Variants in DGKI observed in about 807,000 individuals in gnomAD.
DGKI encodes diacylglycerol kinase iota.
A neutral mutation model predicts 147.5 loss-of-function variants in DGKI; 55 were observed. That is an observed-to-expected ratio of 0.37 (90% CI 0.30 to 0.47). The LOEUF is 0.47. Among genes scored for constraint, DGKI ranks in the 20% least tolerant of loss-of-function variants. The probability of loss-of-function intolerance (pLI) is 1.00; values close to 1 mark genes in which losing one functional copy is unlikely to be tolerated. For missense variants in DGKI, 1,007 were observed against 1,323.8 expected, an observed-to-expected ratio of 0.76 and a Z score of 3.71; for synonymous variants, 469 against 477.1, an observed-to-expected ratio of 0.98 and a Z score of 0.22.
intron 30 of DGKI, among the ~76,000 whole-genome samples, chr7:137,405,488 G>A (rs1405536088): frequency 1.3e-5 from 2 of 152,200 alleles, no homozygotes; most frequent in African/African-American, 2.4e-5. Context: ...GGGATTCCAG[G>A]TGAGTCAGAA....
intron 1 of DGKI, among the ~76,000 whole-genome samples, chr7:137,732,458 C>A (rs555339641): frequency 1.3e-5 from 2 of 152,126 alleles, no homozygotes; most frequent in African/African-American, 2.4e-5. Flanking sequence ...CTTATCACAG[C>A]CTTTCATGAT....
intron 19 of DGKI, among the ~76,000 whole-genome samples, chr7:137,567,643 G>A (rs533739096): frequency 1.3e-5 from 2 of 152,270 alleles, no homozygotes; most frequent in East Asian, 3.9e-4. Flanking sequence ...ACCACAATGT[G>A]TAAGTTTTAT....
chr7:137,817,855 A>C (rs191440312), intron 1 of DGKI, among the ~76,000 whole-genome samples: 34 of 152,332 alleles, frequency 2.2e-4, no homozygotes, highest in Admixed American at 1.0e-3. Flanking sequence ...CATCTGTTTT[A>C]TTCCTATGCA....
At chr7:137,398,622 T>C (rs1811638990) in intron 30 of DGKI, among the ~76,000 whole-genome samples, 1 of 152,098 alleles carries the variant, frequency 6.6e-6, no homozygotes, top group Admixed American at 6.5e-5. Context: ...TTATCACTCT[T>C]ACCATGAAAG....
chr7:137,638,000 G>A (rs1263077849), intron 6 of DGKI, among the ~76,000 whole-genome samples: 1 of 152,094 alleles, frequency 6.6e-6, no homozygotes, highest in African/African-American at 2.4e-5. Context: ...GGAGGTCAGC[G>A]CAAAGAATCA....
intron 1 of DGKI, among the ~76,000 whole-genome samples, chr7:137,776,872 T>C (rs1339131402): frequency 1.3e-5 from 2 of 151,770 alleles, no homozygotes; most frequent in African/African-American, 4.8e-5. Context: ...AATGAGATAA[T>C]AATCAATTGT....
chr7:137,505,177 C>T (rs1176650972), intron 21 of DGKI, among the ~76,000 whole-genome samples: 2 of 152,042 alleles, frequency 1.3e-5, no homozygotes, highest in Non-Finnish European at 2.9e-5. Context: ...GAAAACTGAT[C>T]TTAAATTTTG....
chr7:137,443,991 C>G, intron 28 of DGKI, 86 bp downstream of exon 28: 1 of 1,135,484 alleles, frequency 8.8e-7, no homozygotes, highest in Non-Finnish European at 1.3e-6. Flanking sequence ...TTTGCTTAAA[C>G]AATTATTTGC....
At position 137,462,758 on chromosome 7, in the gene DGKI, T is replaced by C. The variant is rs143235245; in HGVS notation, c.2735+731A>G. On this transcript the variant is annotated intron_variant, in intron 27 of 32. Coordinates refer to ENST00000614521, the MANE Select transcript of DGKI (RefSeq NM_001321708.2). ...ATTTCATGAACACACTGGATTTGCA[T>C]AACCTCTGAGATGGATTGATTGGCC... is the stretch of plus-strand genomic sequence containing the variant. 7.5e-4 allele frequency among the ~76,000 whole-genome samples: 114 copies of C among 152,312 alleles called. 1 individual carries two copies. The highest frequency in any genetic ancestry group is 1.9e-3 in the African/African-American group (81 of 41,556).
At chr7:137,566,023 G>A (rs1439522130) in intron 19 of DGKI, among the ~76,000 whole-genome samples, 2 of 151,966 alleles carry the variant, frequency 1.3e-5, no homozygotes, top group African/African-American at 4.8e-5. Flanking sequence ...CAATTTTTTG[G>A]ATTTCACTGA....
At chr7:137,493,637 A>G in intron 21 of DGKI, 2 of 667,786 alleles carry the variant, frequency 3.0e-6, no homozygotes, top group South Asian at 3.4e-5. Flanking sequence ...ACACCCAACA[A>G]CACCAAAGAA....
chr7:137,759,499 G>A (rs575312562), intron 1 of DGKI, among the ~76,000 whole-genome samples: 3 of 152,028 alleles, frequency 2.0e-5, no homozygotes, highest in Admixed American at 6.5e-5. Flanking sequence ...CTGCCACCAC[G>A]CCTGGCTAAT....
chr7:137,822,131 G>A (rs1355823941), intron 1 of DGKI, among the ~76,000 whole-genome samples: 1 of 152,376 alleles, frequency 6.6e-6, no homozygotes, highest in African/African-American at 2.4e-5. Context: ...TCAGGGCACA[G>A]AGCGGTGGCT....
chr7:137,555,161 G>A (rs935340111), intron 19 of DGKI, among the ~76,000 whole-genome samples: 4 of 151,446 alleles, frequency 2.6e-5, no homozygotes, highest in Non-Finnish European at 4.4e-5. Flanking sequence ...TGATCCTCCC[G>A]CCTCGGCCTC....
intron 1 of DGKI, among the ~76,000 whole-genome samples, chr7:137,762,705 A>G (rs1027092104): frequency 6.6e-6 from 1 of 152,042 alleles, no homozygotes; most frequent in African/African-American, 2.4e-5. Flanking sequence ...AGCTCTCCCC[A>G]AGCCCTTACC....
chr7:137,461,206 T>C (rs1188797439), intron 27 of DGKI, among the ~76,000 whole-genome samples: 1 of 152,216 alleles, frequency 6.6e-6, no homozygotes, highest in Non-Finnish European at 1.5e-5. Context: ...GGAAAAAGCA[T>C]GGAGTCAGAA....
At chr7:137,568,089 T>C (rs1455448562) in intron 19 of DGKI, among the ~76,000 whole-genome samples, 1 of 152,192 alleles carries the variant, frequency 6.6e-6, no homozygotes, top group Non-Finnish European at 1.5e-5. Flanking sequence ...AAAATTTTAC[T>C]AACTCCTCAA....
intron 28 of DGKI, among the ~76,000 whole-genome samples, chr7:137,437,645 T>G (rs1446601147): frequency 2.0e-5 from 3 of 152,128 alleles, no homozygotes; most frequent in African/African-American, 4.8e-5. Context: ...ATTTTATAAT[T>G]TATATGAAAC....
At chr7:137,701,168 A>T (rs1823969905) in intron 1 of DGKI, among the ~76,000 whole-genome samples, 1 of 152,088 alleles carries the variant, frequency 6.6e-6, no homozygotes, top group Non-Finnish European at 1.5e-5. Flanking sequence ...AGAAAAAAAA[A>T]ATTGATGAGG....
Sources: allele counts gnomAD v4.1 joint callset (sites outside exome capture counted in the v4.1 genomes callset), GRCh38; gene constraint gnomAD v4.1.1; transcripts MANE v1.5; gene names NCBI Gene and HGNC (gene_info 2026-07-23, HGNC 2026-07-21).